ASCC1: variants seen among roughly 807,000 people sequenced by gnomAD.
ASCC1 encodes ASC-1 complex subunit P50.
ASCC1 carries 35 observed loss-of-function variants against 46.6 expected under a neutral mutation model. The ratio of observed to expected loss-of-function variants is 0.75; its 90% confidence interval spans 0.57 to 0.99. The LOEUF is 0.99. ASCC1 is among the 50% of genes least tolerant of loss of function. The pLI is 0.00. For synonymous variants in ASCC1, 143 were observed against 146.6 expected, an observed-to-expected ratio of 0.98 and a Z score of 0.18; for missense variants, 376 against 428.7, an observed-to-expected ratio of 0.88 and a Z score of 1.09.
intron 5 of ASCC1, among the ~76,000 whole-genome samples, chr10:72,165,241 G>A (rs951096084): frequency 2.0e-5 from 3 of 152,108 alleles, no homozygotes. Context: ...CAGCCTTCCT[G>A]AGTAGCTGGG....
chr10:72,174,871 C>T (rs1344417231), intron 5 of ASCC1, among the ~76,000 whole-genome samples: 2 of 152,180 alleles, frequency 1.3e-5, no homozygotes, highest in East Asian at 1.9e-4. Context: ...AAAGGACCTA[C>T]AAACTTTTTA....
chr10:72,119,494 G>A (rs1279050014), intron 9 of ASCC1, among the ~76,000 whole-genome samples: 1 of 151,982 alleles, frequency 6.6e-6, no homozygotes, highest in Non-Finnish European at 1.5e-5. Context: ...TCCACATAGG[G>A]GCCCCTCTAA....
intron 5 of ASCC1, among the ~76,000 whole-genome samples, chr10:72,196,610 T>A (rs1265854792): frequency 6.6e-6 from 1 of 152,162 alleles, no homozygotes; most frequent in Non-Finnish European, 1.5e-5. Context: ...TTTAAAGACA[T>A]TTCTGTAATA....
intron 5 of ASCC1, among the ~76,000 whole-genome samples, chr10:72,167,517 G>GT (rs1466399831): frequency 1.3e-5 from 2 of 152,154 alleles, no homozygotes; most frequent in East Asian, 3.9e-4. Flanking sequence ...CTGAATTGTG[G>GT]TAATGACTGC....
intron 9 of ASCC1, among the ~76,000 whole-genome samples, chr10:72,104,274 T>A (rs563093313): frequency 8.5e-5 from 13 of 152,252 alleles, no homozygotes; most frequent in African/African-American, 3.1e-4. Flanking sequence ...GAAATGAACA[T>A]GTTCTTTCAC....
intron 4 of ASCC1, 152 bp downstream of exon 4, chr10:72,203,275 A>G (rs1174821969): frequency 1.5e-6 from 1 of 677,770 alleles, no homozygotes; most frequent in African/African-American, 1.9e-5. Context: ...AACAAGGGCA[A>G]AACTCCGTCT....
chr10:72,190,534 T>G, intron 5 of ASCC1: 1 of 1,534,566 alleles, frequency 6.5e-7, no homozygotes, highest in Admixed American at 1.7e-5. Flanking sequence ...GCAGGGCAGC[T>G]TGGAGAAGGC....
intron 9 of ASCC1, among the ~76,000 whole-genome samples, chr10:72,119,523 C>CG (rs1843926065): frequency 2.0e-5 from 3 of 152,086 alleles, no homozygotes; most frequent in Admixed American, 2.0e-4. Flanking sequence ...TTCCACCTAA[C>CG]GGGGGTGATG....
Position 72,152,819 on chromosome 10 carries a change from T to C in ASCC1, c.746+50A>G, listed in dbSNP as rs562806539. The C allele has an allele frequency of 1.3e-5, 21 of 1,610,972 alleles. No homozygotes were observed. In the South Asian group the frequency reaches 2.0e-4, roughly 15 times the overall value. On this transcript the variant is annotated intron_variant, in intron 7 of 9. Coordinates refer to ENST00000672957, the MANE Select transcript of ASCC1 (RefSeq NM_001198800.3). ...TCAAAATGAATCAAACTTTTGAGGA[T>C]GCTTTTAGGTACCTCTTGATTGAAA... is the stretch of plus-strand genomic sequence containing the variant.
intron 6 of ASCC1, among the ~76,000 whole-genome samples, chr10:72,156,454 G>A (rs1379955329): frequency 1.3e-5 from 2 of 152,176 alleles, no homozygotes; most frequent in African/African-American, 4.8e-5. Context: ...GTAAAAATGT[G>A]GTACTGCCTT....
chr10:72,204,174 G>A (rs1856882589), intron 3 of ASCC1, among the ~76,000 whole-genome samples: 1 of 152,238 alleles, frequency 6.6e-6, no homozygotes, highest in South Asian at 2.1e-4. Context: ...ACTTGAACCC[G>A]GGAGGTGGAG....
intron 9 of ASCC1, 55 bp downstream of exon 9, chr10:72,128,027 G>T: frequency 7.5e-7 from 1 of 1,326,172 alleles, no homozygotes; most frequent in Non-Finnish European, 1.1e-6. Flanking sequence ...TTGTTTTCCT[G>T]CCTTATTTAG....
intron 6 of ASCC1, among the ~76,000 whole-genome samples, 161 bp from the exon 7 acceptor site, chr10:72,153,149 C>T (rs1848564826): frequency 6.6e-6 from 1 of 152,186 alleles, no homozygotes; most frequent in Non-Finnish European, 1.5e-5. Flanking sequence ...AATTGCCCTT[C>T]TAATTTCAAA....
At chr10:72,185,281 C>A (rs1564716355) in intron 5 of ASCC1, among the ~76,000 whole-genome samples, 1 of 152,132 alleles carries the variant, frequency 6.6e-6, no homozygotes, top group Non-Finnish European at 1.5e-5. Context: ...TAAGTATTTA[C>A]CCAAGAGGTA....
At chr10:72,209,968 T>A (rs1369034128) in intron 3 of ASCC1, among the ~76,000 whole-genome samples, 1 of 151,850 alleles carries the variant, frequency 6.6e-6, no homozygotes, top group Admixed American at 6.6e-5. Flanking sequence ...ATGAGTGAGC[T>A]CACACAAGAT....
intron 5 of ASCC1, among the ~76,000 whole-genome samples, chr10:72,172,246 T>A (rs1010881220): frequency 6.6e-6 from 1 of 151,706 alleles, no homozygotes; most frequent in South Asian, 2.1e-4. Context: ...AAACCCCGTC[T>A]CTACTAAAAA....
rs543840762 is a variant in ASCC1 at position 72,206,824 on chromosome 10, C to G, written c.213-3300G>C. Among the ~76,000 whole-genome samples the G allele has an allele frequency of 2.0e-5, 3 of 152,248 alleles. No individual in the cohort carries two copies. The East Asian group carries it at 5.8e-4, about 29-fold the overall frequency. On this transcript the variant is annotated intron_variant, in intron 3 of 9. Coordinates refer to ENST00000672957, the MANE Select transcript of ASCC1 (RefSeq NM_001198800.3). ...AATAAAGGTTGCCAGGTGATGGCTG[C>G]TAGGGGCAGGGTGCTAAGTGGAAAT...
chr10:72,178,126 G>A (rs1235468037), intron 5 of ASCC1, among the ~76,000 whole-genome samples: 2 of 152,204 alleles, frequency 1.3e-5, no homozygotes, highest in Non-Finnish European at 2.9e-5. Context: ...AAAGAATTAT[G>A]TTCAAGGAAG....
At chr10:72,127,396 T>C (rs937139550) in intron 9 of ASCC1, among the ~76,000 whole-genome samples, 1 of 152,172 alleles carries the variant, frequency 6.6e-6, no homozygotes, top group Non-Finnish European at 1.5e-5. Context: ...TTTCATAGAT[T>C]AATTCAACAC....
Sources: allele counts gnomAD v4.1 joint callset (sites outside exome capture counted in the v4.1 genomes callset), GRCh38; gene constraint gnomAD v4.1.1; transcripts MANE v1.5; gene names NCBI Gene and HGNC (gene_info 2026-07-23, HGNC 2026-07-21).